The following ANKRD45 variants were observed in gnomAD, a reference collection of about 807,000 sequenced individuals.
ANKRD45 encodes ankyrin repeat domain-containing protein 45.
ANKRD45 carries 21 observed loss-of-function variants against 28.1 expected under a neutral mutation model. The observed-to-expected ratio is 0.75, with a 90% CI of 0.53 to 1.08. ANKRD45 has a LOEUF of 1.08. Among genes scored for constraint, ANKRD45 ranks in the 50% least tolerant of loss-of-function variants. The pLI, the probability that ANKRD45 is intolerant of heterozygous loss-of-function variation, is 0.00. For missense variants in ANKRD45, 261 were observed against 308.7 expected (o/e 0.85, Z 1.16); for synonymous variants, 86 against 103.9 (o/e 0.83, Z 1.05).
chr1:173,615,443 C>T (rs978711724), intron 5 of ANKRD45, among the ~76,000 whole-genome samples: 1 of 150,922 alleles, frequency 6.6e-6, no homozygotes, highest in Non-Finnish European at 1.5e-5. Flanking sequence ...GTCTAGTGCT[C>T]CTAAGTGCAA....
intron 3 of ANKRD45, among the ~76,000 whole-genome samples, chr1:173,629,246 G>A (rs1203289072): frequency 6.6e-6 from 1 of 152,184 alleles, no homozygotes; most frequent in East Asian, 1.9e-4. Flanking sequence ...CCAGATGCCA[G>A]TGGACATCCA....
the ANKRD45 span, chr1:173,714,895 T>A: frequency 6.6e-6 from 1 of 152,202 alleles, no homozygotes; most frequent in African/African-American, 2.4e-5. Flanking sequence ...TTATGTGGGT[T>A]CCTGCGGGAA....
At chr1:173,686,618 T>C in the ANKRD45 span, among the ~76,000 whole-genome samples, 1 of 152,238 alleles carries the variant, frequency 6.6e-6, no homozygotes, top group Non-Finnish European at 1.5e-5. Flanking sequence ...AAGTGAAGGA[T>C]AAACCAAGTA....
chr1:173,680,066 TAAG>T, the ANKRD45 span, among the ~76,000 whole-genome samples: 2 of 152,118 alleles, frequency 1.3e-5, no homozygotes, highest in Non-Finnish European at 2.9e-5. Flanking sequence ...TGTGGAGAAA[TAAG>T]AATGCTTTTA....
intron 1 of ANKRD45, among the ~76,000 whole-genome samples, chr1:173,663,054 AACACAC>A (rs60072209): frequency 0.23 from 32,060 of 140,226 alleles, 3,615 homozygotes; most frequent in Middle Eastern, 0.35. Context: ...CCACCCTTCC[AACACAC>A]ACACACACAC....
upstream of ANKRD45, among the ~76,000 whole-genome samples, chr1:173,672,306 T>C (rs1344366574): frequency 6.6e-6 from 1 of 152,234 alleles, no homozygotes. Context: ...ATACAACACA[T>C]TTGCTCTACT....
In ANKRD45 at chr1:173,646,879, G is replaced by C; in HGVS notation, c.463C>G (p.Gln155Glu). The C allele has an allele frequency of 2.5e-6, 4 of 1,614,118 alleles. No individual in the cohort carries two copies. The highest frequency in any genetic ancestry group is 3.4e-6 in the Non-Finnish European group (4 of 1,180,002). The part of the protein sequence containing the change: ...RARDVAARYS[Q>E]TECVEFLDWA... ...TCCAGGAATTCAACACACTCAGTCT[G>C]AGAATATCTAGCAGCAACATCTCGA... Residue 155 changes from glutamine (Q) to glutamate (E), a missense_variant, in exon 3 of 6, where the codon CAG becomes GAG. Physicochemically the swap from Gln to Glu is conservative, Grantham distance 29 (BLOSUM62 2). Transcript: ENST00000333279.
chr1:173,712,185 G>A, the ANKRD45 span, among the ~76,000 whole-genome samples: 1 of 152,164 alleles, frequency 6.6e-6, no homozygotes, highest in Admixed American at 6.5e-5. Flanking sequence ...TTAAACCACA[G>A]TGAATTACCA....
At chr1:173,678,265 G>GA in the ANKRD45 span, among the ~76,000 whole-genome samples, 1 of 152,032 alleles carries the variant, frequency 6.6e-6, no homozygotes, top group Non-Finnish European at 1.5e-5. Context: ...AACAAAAAAA[G>GA]AAAATTTTAG....
chr1:173,648,010 T>G (rs539217720), intron 2 of ANKRD45, among the ~76,000 whole-genome samples: 8 of 152,176 alleles, frequency 5.3e-5, no homozygotes, highest in Admixed American at 2.6e-4. Flanking sequence ...TGGCACGATC[T>G]CGGCTCACTG....
chr1:173,713,512 G>A, the ANKRD45 span, among the ~76,000 whole-genome samples: 3 of 139,956 alleles, frequency 2.1e-5, no homozygotes, highest in Admixed American at 7.2e-5. Flanking sequence ...GTAGACATAA[G>A]TGATTGCCAG....
intron 2 of ANKRD45, 88 bp downstream of exon 2, chr1:173,659,003 C>T: frequency 6.6e-7 from 1 of 1,507,662 alleles, no homozygotes; most frequent in Non-Finnish European, 8.9e-7. Context: ...ATAAAACAGG[C>T]ACATCAAATA....
At chr1:173,675,100 G>C in the ANKRD45 span, among the ~76,000 whole-genome samples, 1 of 152,142 alleles carries the variant, frequency 6.6e-6, no homozygotes, top group Non-Finnish European at 1.5e-5. Context: ...AGGCCATATT[G>C]CTCTGAAGTC....
chr1:173,618,822 A>C (rs1296976984), intron 5 of ANKRD45, among the ~76,000 whole-genome samples: 2 of 152,206 alleles, frequency 1.3e-5, no homozygotes, highest in African/African-American at 4.8e-5. Context: ...GATCAACCCC[A>C]AGACACATAA....
the ANKRD45 span, among the ~76,000 whole-genome samples, chr1:173,689,070 T>TA: frequency 6.6e-6 from 1 of 152,148 alleles, no homozygotes; most frequent in Non-Finnish European, 1.5e-5. Flanking sequence ...GGACTCAATA[T>TA]AAAAAAGACA....
intron 3 of ANKRD45, among the ~76,000 whole-genome samples, chr1:173,634,700 TA>T (rs2102337854): frequency 6.6e-6 from 1 of 152,116 alleles, no homozygotes; most frequent in South Asian, 2.1e-4. Flanking sequence ...TTAGATTTAG[TA>T]AAATGAGAAC....
intron 3 of ANKRD45, among the ~76,000 whole-genome samples, chr1:173,645,530 T>C (rs1221348860): frequency 6.6e-6 from 1 of 152,210 alleles, no homozygotes; most frequent in Non-Finnish European, 1.5e-5. Flanking sequence ...ACTATATTAT[T>C]TGCCCCTTTT....
the ANKRD45 span, among the ~76,000 whole-genome samples, chr1:173,707,440 C>T: frequency 8.7e-4 from 133 of 152,062 alleles, no homozygotes; most frequent in African/African-American, 1.9e-3. Flanking sequence ...TCAAGTGATT[C>T]TCCTGCCTCA....
At chr1:173,693,448 G>A in the ANKRD45 span, among the ~76,000 whole-genome samples, 2 of 152,124 alleles carry the variant, frequency 1.3e-5, no homozygotes, top group Non-Finnish European at 2.9e-5. Flanking sequence ...GGATAAATAT[G>A]CATGCATATT....
Sources: gnomAD v4.1 joint callset for allele counts (sites outside exome capture counted in the v4.1 genomes callset) on GRCh38, gnomAD v4.1.1 for gene constraint, MANE v1.5 for transcripts, NCBI Gene and HGNC (gene_info 2026-07-23, HGNC 2026-07-21) for gene names.